The following BAIAP2L2 variants were observed in gnomAD, a reference collection of about 807,000 sequenced individuals.
The protein encoded by BAIAP2L2 is BAR/IMD domain-containing adapter protein 2-like 2.
A neutral mutation model predicts 60.4 loss-of-function variants in BAIAP2L2; 65 were observed. The ratio of observed to expected loss-of-function variants is 1.08; its 90% CI spans 0.88 to 1.32. The LOEUF (loss-of-function observed/expected upper bound fraction) is 1.32. BAIAP2L2 is among the 40% of genes most tolerant of loss of function. The pLI is 0.00. For synonymous variants in BAIAP2L2, 344 were observed against 301.7 expected (o/e 1.14, Z -1.45); for missense variants, 836 against 741.2 (o/e 1.13, Z -1.48).
At chr22:38,098,515 C>G (rs748758644) in intron 4 of BAIAP2L2, 33 bp from the exon 5 acceptor site, 1 of 1,584,474 alleles carries the variant, frequency 6.3e-7, no homozygotes, top group Admixed American at 1.7e-5. Flanking sequence ...GTGATCAAGG[C>G]CCCCCTACTG....
intron 10 of BAIAP2L2, among the ~76,000 whole-genome samples, chr22:38,087,839 C>G (rs1393383801): frequency 6.6e-6 from 1 of 151,196 alleles, no homozygotes; most frequent in Non-Finnish European, 1.5e-5. Flanking sequence ...CCATCAGTGT[C>G]TGTCCACCAC....
At chr22:38,095,106 G>A (rs542252887) in intron 7 of BAIAP2L2, among the ~76,000 whole-genome samples, 2 of 152,238 alleles carry the variant, frequency 1.3e-5, no homozygotes, top group South Asian at 4.1e-4. Context: ...AGCTGAGATT[G>A]CGCCACTGCA....
intron 8 of BAIAP2L2, 54 bp downstream of exon 8, chr22:38,089,468 C>T: frequency 9.3e-7 from 1 of 1,076,130 alleles, no homozygotes; most frequent in Non-Finnish European, 1.2e-6. Flanking sequence ...GGCCCCGGGC[C>T]CCCGCGGGGG....
rs529221845 is a variant in BAIAP2L2 at position 38,098,546 on chromosome 22, C to A, written c.277-64G>T. 6.6e-6 allele frequency: 9 copies of A among 1,367,702 alleles called. No individual in the cohort carries two copies. In the African/African-American group the frequency reaches 1.0e-4, roughly 15 times the overall value. The allele number at this position is 1,367,702 out of a possible 1,614,324, so 84.7% of individuals were successfully genotyped here. A position where few individuals can be genotyped will look rare whatever the true frequency, so the allele number is the denominator to read the frequency against. The stretch of plus-strand genomic sequence containing the variant: ...TACTGTTCCCAGGCCCCAGCACCCC[C>A]TTGCACTTTCTGCTATAACAGACTG... On this transcript the variant is annotated intron_variant, in intron 4 of 13. Coordinates refer to ENST00000381669, the MANE Select transcript of BAIAP2L2 (RefSeq NM_025045.6).
rs202152323 is a variant in BAIAP2L2, at chr22:38,087,198, G to A, written c.1185C>T (p.Pro395=). The change falls in exon 11 of 14, where the codon CCC becomes CCT. Residue 395 remains proline (P), a synonymous_variant. Coordinates refer to ENST00000381669, the MANE Select transcript of BAIAP2L2 (RefSeq NM_025045.6). ...LEEGPVNPMT[P]VTPMTSMTSM... ...AGGTCATGGAGGTCATGGGGGTCACGGGGGTCATGGGATTCACGGGCCCCT... is the reference window on the plus strand; with the variant it reads ...AGGTCATGGAGGTCATGGGGGTCACAGGGGTCATGGGATTCACGGGCCCCT... 20 of 1,602,070 alleles carry A rather than the reference G, an allele frequency of 1.2e-5. No individual in the cohort carries two copies. The highest frequency in any genetic ancestry group is 2.3e-5 in the East Asian group (1 of 44,132).
intron 3 of BAIAP2L2, 136 bp downstream of exon 3, chr22:38,108,119 C>A: frequency 1.0e-6 from 1 of 989,134 alleles, no homozygotes. Context: ...TGGCGGGGAG[C>A]CTGGGCCCCA....
chr22:38,105,604 A>G (rs2146037126), intron 4 of BAIAP2L2, among the ~76,000 whole-genome samples: 2 of 151,980 alleles, frequency 1.3e-5, no homozygotes, highest in South Asian at 4.1e-4. Context: ...CGGCCTCCCA[A>G]AGTGCTGGGA....
chr22:38,086,056 G>A (rs1391498406), intron 12 of BAIAP2L2, among the ~76,000 whole-genome samples, 186 bp downstream of exon 12: 2 of 152,266 alleles, frequency 1.3e-5, no homozygotes, highest in East Asian at 3.9e-4. Flanking sequence ...CCCTGTCCTG[G>A]GACCCTGGTC....
At chr22:38,099,183 G>C (rs1056380441) in intron 4 of BAIAP2L2, among the ~76,000 whole-genome samples, 1 of 152,218 alleles carries the variant, frequency 6.6e-6, no homozygotes, top group Non-Finnish European at 1.5e-5. Flanking sequence ...TTTGCTTTGT[G>C]ACTTTGGACA....
Position 38,088,776 on chromosome 22 carries a change from G to T in BAIAP2L2, c.1090C>A (p.Leu364Ile). The T allele has an allele frequency of 6.2e-7, 1 of 1,600,552 alleles. No homozygotes were observed. The highest frequency in any genetic ancestry group is 8.5e-7 in the Non-Finnish European group (1 of 1,179,420). ...VLVPEAQNGW[L>I]YGKLEGSSAS... ...GACGAGCCCTCCAGCTTGCCGTAGA[G>T]CCAGCCGTTCTGGGCCTCGGGCACC... Residue 364 changes from leucine to isoleucine, a missense_variant, in exon 10 of 14, where the codon CTC becomes ATC. Physicochemically the swap from Leu to Ile is conservative, Grantham distance 5 (BLOSUM62 2). Transcript: ENST00000381669.
At chr22:38,110,355 C>G in intron 1 of BAIAP2L2, 120 bp downstream of exon 1, 1 of 1,074,222 alleles carries the variant, frequency 9.3e-7, no homozygotes, top group Non-Finnish European at 1.4e-6. Flanking sequence ...CAGCCTGGCT[C>G]CAGGCTTCCC....
Position 38,086,455 on chromosome 22 carries a change from T to G in BAIAP2L2, c.1260-6A>C, listed in dbSNP as rs1601981776. The G allele has an allele frequency of 6.8e-7, 1 of 1,481,418 alleles. No individual in the cohort carries two copies. The highest frequency in any genetic ancestry group is 1.4e-5 in the South Asian group (1 of 73,766). 91.8% of individuals were successfully genotyped at this position (1,481,418 alleles called of 1,614,324 possible). ...TGCCCCGGAGTGGGTAGGACCTAAG[T>G]CCAGAGAAAGGAGGGGGAAGGAAAG... On this transcript the variant is annotated splice_region_variant and splice_polypyrimidine_tract_variant and intron_variant, in intron 11 of 13. Transcript: ENST00000381669.
Position 38,087,206 on chromosome 22 carries a change from T to G in BAIAP2L2, c.1177A>C (p.Met393Leu). The change falls in exon 11 of 14, where the codon ATG becomes CTG. Residue 393 changes from methionine to leucine, a missense_variant. Transcript: ENST00000381669. Reference sequence around the variant, plus strand: ...GAGGTCATGGGGGTCACGGGGGTCATGGGATTCACGGGCCCCTCCTCCAGA... The same window carrying G: ...GAGGTCATGGGGGTCACGGGGGTCAGGGGATTCACGGGCCCCTCCTCCAGA... Reference protein sequence around the residue: ...KALEEGPVNPMTPVTPMTSMT... With the variant: ...KALEEGPVNPLTPVTPMTSMT... 2 of 1,588,296 alleles carry G rather than the reference T, an allele frequency of 1.3e-6. No homozygotes were observed. The highest frequency in any genetic ancestry group is 2.3e-5 in the East Asian group (1 of 43,760).
In BAIAP2L2 at chr22:38,088,884, T is replaced by C. The variant is rs1382602096; in HGVS notation, c.982A>G (p.Arg328Gly). The change falls in exon 10 of 14, where the codon AGA (arginine) becomes GGA (glycine). Residue 328 changes from arginine (R) to glycine (G), a missense_variant. Physicochemically the swap from Arg to Gly is moderately radical, Grantham distance 125 (BLOSUM62 -2). Coordinates refer to ENST00000381669, the MANE Select transcript of BAIAP2L2 (RefSeq NM_025045.6). ...GAGTGGGAGACCAGGGCGCGGACTCTCCTGGCGCCCCCGCCGCCGCCCGGG... is the reference window on the plus strand; with the variant it reads ...GAGTGGGAGACCAGGGCGCGGACTCCCCTGGCGCCCCCGCCGCCGCCCGGG... The part of the protein sequence containing the change: ...ERPGGGGGAR[R>G]VRALVSHSEG... 2.5e-6 allele frequency: 4 copies of C among 1,584,346 alleles called. No homozygotes were observed. The highest frequency in any genetic ancestry group is 2.7e-5 in the African/African-American group (2 of 74,538).
At chr22:38,085,871 G>C in intron 12 of BAIAP2L2, 139 bp from the exon 13 acceptor site, 1 of 868,314 alleles carries the variant, frequency 1.2e-6, no homozygotes. Context: ...TGGAAAATGA[G>C]ACCCTGACGT....
intron 4 of BAIAP2L2, among the ~76,000 whole-genome samples, chr22:38,102,962 C>A (rs2086595430): frequency 6.6e-6 from 1 of 150,964 alleles, no homozygotes; most frequent in African/African-American, 2.4e-5. Context: ...AGGAGAATGG[C>A]GTGAACCTGG....
At chr22:38,088,711 TCAACC>T in intron 10 of BAIAP2L2, 32 bp downstream of exon 10, 3 of 1,543,454 alleles carry the variant, frequency 1.9e-6, no homozygotes, top group Non-Finnish European at 2.6e-6. Flanking sequence ...GGCCTTCTTC[TCAACC>T]CACCCCCGGC....
At chr22:38,089,040 G>GC in intron 9 of BAIAP2L2, 56 bp downstream of exon 9, 1 of 1,406,506 alleles carries the variant, frequency 7.1e-7, no homozygotes, top group Non-Finnish European at 9.2e-7. Context: ...TCCTGCTGCA[G>GC]CCCCACCCCC....
intron 6 of BAIAP2L2, 29 bp downstream of exon 6, chr22:38,098,034 G>C: frequency 2.0e-6 from 2 of 996,668 alleles, no homozygotes; most frequent in Non-Finnish European, 3.0e-6. Flanking sequence ...CGCCCTTCCT[G>C]GCCCACCCCC....
Sources: allele counts gnomAD v4.1 joint callset (sites outside exome capture counted in the v4.1 genomes callset), GRCh38; gene constraint gnomAD v4.1.1; transcripts MANE v1.5; gene names NCBI Gene and HGNC (gene_info 2026-07-23, HGNC 2026-07-21).